The following ALLC variants were observed in gnomAD, a reference collection of about 807,000 sequenced individuals.
The protein encoded by ALLC is probable inactive allantoicase.
A neutral mutation model predicts 45.0 loss-of-function variants in ALLC; 40 were observed. The observed-to-expected ratio is 0.89, with a 90% CI of 0.69 to 1.16. ALLC has a LOEUF of 1.16. ALLC is among the 50% of genes most tolerant of loss of function. ALLC has a pLI of 0.00. For synonymous variants in ALLC, 176 were observed against 178.1 expected (o/e 0.99, Z 0.09); for missense variants, 488 against 493.1 (o/e 0.99, Z 0.10).
chr2:3,672,541 GA>G, intron 2 of ALLC, among the ~76,000 whole-genome samples: 1 of 99,166 alleles, frequency 1.0e-5, no homozygotes, highest in Non-Finnish European at 2.1e-5. Context: ...GGTTAGATAG[GA>G]GGTCCTCTGG....
chr2:3,689,339 G>T (rs758376003), intron 7 of ALLC, among the ~76,000 whole-genome samples: 1 of 150,666 alleles, frequency 6.6e-6, no homozygotes, highest in Non-Finnish European at 1.5e-5. Context: ...TTTGGTATAG[G>T]TATTTATTGC....
intron 7 of ALLC, among the ~76,000 whole-genome samples, chr2:3,694,397 A>G (rs774064550): frequency 2.6e-4 from 40 of 152,330 alleles, no homozygotes; most frequent in Middle Eastern, 3.4e-3. Flanking sequence ...CTGATGTTAC[A>G]GGGACACACT....
intron 11 of ALLC, 98 bp from the exon 12 acceptor site, chr2:3,702,265 G>A (rs1177362373): frequency 1.1e-5 from 11 of 974,700 alleles, no homozygotes; most frequent in East Asian, 2.8e-5. Context: ...AAGCCCCTTC[G>A]GTTAAGTCTA....
chr2:3,665,315 TA>T (rs1034005926), intron 1 of ALLC, among the ~76,000 whole-genome samples: 3 of 148,222 alleles, frequency 2.0e-5, no homozygotes, highest in African/African-American at 7.3e-5. Context: ...TGTTTTTTTT[TA>T]AATTTTATTT....
chr2:3,702,263 T>TAGAC, intron 11 of ALLC, 100 bp from the exon 12 acceptor site: 1 of 952,712 alleles, frequency 1.0e-6, no homozygotes, highest in South Asian at 1.8e-5. Context: ...TAAAGCCCCT[T>TAGAC]CGGTTAAGTC....
At chr2:3,697,180 A>C (rs1159687616) in intron 9 of ALLC, among the ~76,000 whole-genome samples, 168 bp from the exon 10 acceptor site, 3 of 152,252 alleles carry the variant, frequency 2.0e-5, no homozygotes, top group African/African-American at 7.2e-5. Flanking sequence ...AAATGATAGC[A>C]AAGAGGCAAT....
chr2:3,657,365 G>A (rs1260234931), upstream of ALLC, among the ~76,000 whole-genome samples: 1 of 152,220 alleles, frequency 6.6e-6, no homozygotes, highest in African/African-American at 2.4e-5. Context: ...ACCCAGGAAG[G>A]AAAAAGGAGC....
intron 1 of ALLC, among the ~76,000 whole-genome samples, chr2:3,659,702 G>A (rs931619320): frequency 1.4e-4 from 22 of 152,224 alleles, no homozygotes; most frequent in Non-Finnish European, 2.1e-4. Flanking sequence ...CAAGCTCATG[G>A]CGCAAGAGTC....
rs758010680 is a variant in ALLC, at chr2:3,695,745, C to T, written c.540C>T (p.Phe180=). The T allele has an allele frequency of 2.9e-5, 46 of 1,613,890 alleles. No individual in the cohort carries two copies. The East Asian group carries it at 2.9e-4, about 10-fold the overall frequency. The change falls in exon 8 of 12, where the codon TTC becomes TTT. Residue 180 remains phenylalanine, a synonymous_variant. Coordinates refer to ENST00000252505, the MANE Select transcript of ALLC (RefSeq NM_018436.4). ...PDGGIARLRV[F]GTGQKDWTAT... The stretch of plus-strand genomic sequence containing the variant: ...GTGGAATTGCACGACTTAGAGTATT[C>T]GGTACTGGACAAAAAGACTGGACTG...
At chr2:3,661,549 G>C (rs115956431) in intron 1 of ALLC, among the ~76,000 whole-genome samples, 2,365 of 152,304 alleles carry the variant, frequency 0.016, 49 homozygotes, top group African/African-American at 0.044. Context: ...TGCTGGGGCT[G>C]TTCCCTGGAA....
Position 3,696,368 on chromosome 2 carries a change from T to C in ALLC, c.741+20T>C, listed in dbSNP as rs1170274154. 1.3e-6 allele frequency: 2 copies of C among 1,592,998 alleles called. No homozygotes were observed. The highest frequency in any genetic ancestry group is 1.7e-6 in the Non-Finnish European group (2 of 1,169,810). The stretch of plus-strand genomic sequence containing the variant: ...TTAGAAGTAAGAAGTTAAAAATAAC[T>C]ATGGTTTAAAGTTTTTCTTAAAAGT... On this transcript the variant is annotated intron_variant, in intron 9 of 11. Coordinates refer to ENST00000252505, the MANE Select transcript of ALLC (RefSeq NM_018436.4).
At chr2:3,692,704 C>T (rs1482769910) in intron 7 of ALLC, among the ~76,000 whole-genome samples, 1 of 152,168 alleles carries the variant, frequency 6.6e-6, no homozygotes, top group African/African-American at 2.4e-5. Context: ...GTGGAACAAA[C>T]CTCCTACAAC....
intron 6 of ALLC, 109 bp from the exon 7 acceptor site, chr2:3,682,833 T>C (rs1667228737): frequency 6.6e-6 from 8 of 1,218,020 alleles, no homozygotes; most frequent in Non-Finnish European, 9.3e-6. Context: ...CATCCATCAT[T>C]AATTTTTATT....
At position 3,695,750 on chromosome 2, in the gene ALLC, C is replaced by G; in HGVS notation, c.545C>G (p.Thr182Ser). 6.2e-7 allele frequency: 1 copy of G among 1,614,028 alleles called. No individual in the cohort carries two copies. Among genetic ancestry groups the G allele is most frequent in the Non-Finnish European group, 8.5e-7 (1 of 1,179,888 alleles). The change falls in exon 8 of 12, where the codon ACT becomes AGT. Residue 182 changes from threonine (T) to serine (S), a missense_variant. By Grantham distance (58) the Thr-to-Ser change is moderately conservative. Coordinates refer to ENST00000252505, the MANE Select transcript of ALLC (RefSeq NM_018436.4). ...GGIARLRVFG[T>S]GQKDWTATDP... ...ATTGCACGACTTAGAGTATTCGGTA[C>G]TGGACAAAAAGACTGGACTGCAACT...
rs1667840721 is a variant in ALLC at position 3,701,654 on chromosome 2, T to C, written c.975+18T>C. ...TGACCAAGGTTCGTGTGGCATGTTA[T>C]TCGGATCCAGCACTCAGACTGTGCT... On this transcript the variant is annotated intron_variant, in intron 11 of 11. Transcript: ENST00000252505. 2 of 1,607,496 alleles carry C rather than the reference T, an allele frequency of 1.2e-6. No individual in the cohort carries two copies. The highest frequency in any genetic ancestry group is 2.7e-5 in the African/African-American group (2 of 74,808).
chr2:3,701,628 G>A lies in ALLC; in HGVS notation c.967G>A (p.Val323Met). Residue 323 changes from valine (V) to methionine (M), a missense_variant, in exon 11 of 12, where the codon GTG becomes ATG. By Grantham distance (21) the Val-to-Met change is conservative. Transcript: ENST00000252505. ...CCACAAGTGGAAACCACTGCTTCCA[G>A]TGACCAAGGTTCGTGTGGCATGTTA... The part of the protein sequence containing the change: ...PAHKWKPLLP[V>M]TKLSPNQSHL... 6.2e-7 allele frequency: 1 copy of A among 1,611,562 alleles called. No individual in the cohort carries two copies. The highest frequency in any genetic ancestry group is 8.5e-7 in the Non-Finnish European group (1 of 1,178,632).
chr2:3,662,579 C>T (rs77200948), intron 1 of ALLC, among the ~76,000 whole-genome samples: 7,732 of 152,252 alleles, frequency 0.051, 229 homozygotes, highest in East Asian at 0.11. Context: ...TGAAGAACCC[C>T]TGATATTCTT....
intron 3 of ALLC, among the ~76,000 whole-genome samples, chr2:3,676,256 C>T (rs555105991): frequency 6.6e-6 from 1 of 152,134 alleles, no homozygotes; most frequent in Non-Finnish European, 1.5e-5. Context: ...CATATTTTCA[C>T]AAAGCACTTA....
the ALLC span, among the ~76,000 whole-genome samples, chr2:3,651,366 T>G: frequency 4.4e-4 from 3 of 6,788 alleles, 1 homozygote; most frequent in African/African-American, 2.2e-3. Flanking sequence ...TGTGTGTGTG[T>G]GTGTGTGTGT....
Sources: gnomAD v4.1 joint callset for allele counts (sites outside exome capture counted in the v4.1 genomes callset) on GRCh38, gnomAD v4.1.1 for gene constraint, MANE v1.5 for transcripts, NCBI Gene and HGNC (gene_info 2026-07-23, HGNC 2026-07-21) for gene names.